GLYATL2: variants seen among roughly 807,000 people sequenced by gnomAD.
GLYATL2 encodes glycine-N-acyltransferase like 2.
In GLYATL2, 25 loss-of-function variants were observed where a neutral mutation model predicts 21.4. The observed-to-expected ratio is 1.17, with a 90% CI of 0.85 to 1.63. The LOEUF (loss-of-function observed/expected upper bound fraction) is 1.63. GLYATL2 is among the 40% of genes most tolerant of loss of function. The pLI is 0.00. For synonymous variants in GLYATL2, 114 were observed against 118.2 expected (o/e 0.96, Z 0.23); for missense variants, 361 against 343.3 (o/e 1.05, Z -0.41).
chr11:58,908,088 T>A (rs1417622075), upstream of GLYATL2: 2 of 152,416 alleles, frequency 1.3e-5, no homozygotes, highest in African/African-American at 4.8e-5. Context: ...TGCACATCTC[T>A]GATCCTCTGT....
intron 1 of GLYATL2, among the ~76,000 whole-genome samples, chr11:58,871,931 C>T (rs997066287): frequency 2.8e-4 from 43 of 152,304 alleles, no homozygotes; most frequent in African/African-American, 9.4e-4. Flanking sequence ...TTCTCCACAT[C>T]CTCTCCAGCA....
In GLYATL2 at chr11:58,870,329, C is replaced by T. The variant is rs115149843; in HGVS notation, n.61-31961G>A. On this transcript the variant is annotated intron_variant and non_coding_transcript_variant, in intron 1 of 4. Coordinates refer to the GLYATL2 transcript ENST00000533636. ...CAGCTACGTGCTTGAAGCAGAGAGG[C>T]TAAAGAGATGGAGGTCAGGGATGTG... 5.4e-3 allele frequency among the ~76,000 whole-genome samples: 817 copies of T among 152,138 alleles called. 9 individuals carry two copies. Among genetic ancestry groups the T allele is most frequent in the African/African-American group, 0.019 (787 of 41,502 alleles).
chr11:58,845,490 C>T (rs1853626958), upstream of GLYATL2, among the ~76,000 whole-genome samples: 1 of 152,196 alleles, frequency 6.6e-6, no homozygotes. Flanking sequence ...ATAGTCCCAA[C>T]TACTCAGCAG....
At chr11:58,837,513 G>T in intron 3 of GLYATL2, 116 bp from the exon 4 acceptor site, 1 of 1,017,746 alleles carries the variant, frequency 9.8e-7, no homozygotes, top group South Asian at 1.6e-5. Context: ...TTCTGAGACA[G>T]GTGTAGAAAA....
In GLYATL2 at chr11:58,870,713, C is replaced by T. The variant is rs143377050; in HGVS notation, n.61-32345G>A. On this transcript the variant is annotated intron_variant and non_coding_transcript_variant, in intron 1 of 4. Transcript: ENST00000533636. Reference sequence around the variant, plus strand: ...GATTTACTTGTTTCTGTCAGTCCTCCTTGCTCCACAAGTCCTACAGAGGAA... The same window carrying T: ...GATTTACTTGTTTCTGTCAGTCCTCTTTGCTCCACAAGTCCTACAGAGGAA... Among the ~76,000 whole-genome samples, 291 of 152,310 alleles carry T rather than the reference C, an allele frequency of 1.9e-3. 1 individual carries two copies. The highest frequency in any genetic ancestry group is 6.6e-3 in the African/African-American group (275 of 41,576).
chr11:58,846,433 G>A (rs1325860352), upstream of GLYATL2, among the ~76,000 whole-genome samples: 1 of 152,142 alleles, frequency 6.6e-6, no homozygotes, highest in Non-Finnish European at 1.5e-5. Flanking sequence ...GCACTGAAGA[G>A]ACAGTAAAAA....
In GLYATL2 at chr11:58,834,988, T is replaced by G. The variant is rs1043584368; in HGVS notation, c.477-151A>C. 9.9e-6 allele frequency: 6 copies of G among 608,076 alleles called. 1 individual carries two copies. Among genetic ancestry groups the G allele is most frequent in the Admixed American group, 6.4e-5 (2 of 31,060 alleles). 37.7% of individuals were successfully genotyped at this position (608,076 alleles called of 1,614,324 possible). ...AACAACTACCTTTTCTATTTCCGCT[T>G]CAAAATGTTTCCAAATAGTTGATGG... On this transcript the variant is annotated intron_variant, in intron 5 of 5. Transcript: ENST00000287275.
chr11:58,900,046 C>G (rs573298739), intron 1 of GLYATL2, among the ~76,000 whole-genome samples: 70 of 152,196 alleles, frequency 4.6e-4, no homozygotes, highest in African/African-American at 1.6e-3. Context: ...ATGCGGAGCA[C>G]CGGAATTCTG....
upstream of GLYATL2, chr11:58,905,708 GCTGGGACCGGGAT>G: frequency 2.3e-6 from 1 of 436,162 alleles, no homozygotes; most frequent in Non-Finnish European, 4.6e-6. Flanking sequence ...GGAGGGGATC[GCTGGGACCGGGAT>G]GGGTCATCTG....
chr11:58,876,472 G>A (rs1187039741), intron 1 of GLYATL2, among the ~76,000 whole-genome samples: 1 of 152,124 alleles, frequency 6.6e-6, no homozygotes, highest in Non-Finnish European at 1.5e-5. Context: ...TTTTTGGTGT[G>A]GATGTCCTTT....
At chr11:58,854,170 G>C (rs942005918) in intron 1 of GLYATL2, among the ~76,000 whole-genome samples, 21 of 152,106 alleles carry the variant, frequency 1.4e-4, no homozygotes, top group African/African-American at 4.8e-4. Context: ...ATTCTATTGT[G>C]CATATATACC....
Position 58,872,505 on chromosome 11 carries a change from C to G in GLYATL2, n.60+31651G>C, listed in dbSNP as rs538110275. On this transcript the variant is annotated intron_variant and non_coding_transcript_variant, in intron 1 of 4. Coordinates refer to the GLYATL2 transcript ENST00000533636. ...TCCAGTTTCAGCTTTCTACATATGGCTAGCCAGTTTTCCCAGCACCATTTA... is the reference window on the plus strand; with the variant it reads ...TCCAGTTTCAGCTTTCTACATATGGGTAGCCAGTTTTCCCAGCACCATTTA... 2.7e-4 allele frequency among the ~76,000 whole-genome samples: 41 copies of G among 152,302 alleles called. No homozygotes were observed. The South Asian group carries it at 8.5e-3, about 32-fold the overall frequency.
At chr11:58,887,816 T>C (rs918896398) in intron 1 of GLYATL2, among the ~76,000 whole-genome samples, 5 of 152,184 alleles carry the variant, frequency 3.3e-5, no homozygotes, top group African/African-American at 4.8e-5. Context: ...TGTATACATG[T>C]CTTTACATCC....
At chr11:58,858,943 T>G (rs540101880) in intron 1 of GLYATL2, among the ~76,000 whole-genome samples, 1 of 152,222 alleles carries the variant, frequency 6.6e-6, no homozygotes, top group Non-Finnish European at 1.5e-5. Context: ...CTTGCTATAC[T>G]TTCCTTCTCA....
intron 1 of GLYATL2, among the ~76,000 whole-genome samples, chr11:58,864,871 C>G (rs1438345595): frequency 1.3e-5 from 2 of 148,982 alleles, no homozygotes. Context: ...TAATGATTTT[C>G]AAAGTGCCTC....
At chr11:58,892,778 T>C (rs987345646) in intron 1 of GLYATL2, 1 of 336,384 alleles carries the variant, frequency 3.0e-6, no homozygotes, top group Non-Finnish European at 6.0e-6. Context: ...GCTCAATGCC[T>C]GCAATAAAAG....
intron 1 of GLYATL2, among the ~76,000 whole-genome samples, chr11:58,888,763 T>C (rs186212901): frequency 5.9e-5 from 9 of 152,078 alleles, no homozygotes; most frequent in Admixed American, 1.3e-4. Flanking sequence ...ATGTACATTA[T>C]GCAATGTATG....
intron 1 of GLYATL2, among the ~76,000 whole-genome samples, chr11:58,876,601 G>A (rs1345854739): frequency 6.6e-6 from 1 of 152,190 alleles, no homozygotes; most frequent in African/African-American, 2.4e-5. Context: ...CTGCAGAACA[G>A]CGGATATTAG....
Position 58,861,276 on chromosome 11 carries a change from T to C in GLYATL2, n.61-22908A>G, listed in dbSNP as rs74556409. Among the ~76,000 whole-genome samples, 592 of 152,050 alleles carry C rather than the reference T, an allele frequency of 3.9e-3. 7 individuals are homozygous for C. The highest frequency in any genetic ancestry group is 0.014 in the African/African-American group (561 of 41,538). ...ACTTATTTAACGTCCTTACTCATTATTGGTTTGTTTAGATTTTCAATTTCT... is the reference window on the plus strand; with the variant it reads ...ACTTATTTAACGTCCTTACTCATTACTGGTTTGTTTAGATTTTCAATTTCT... On this transcript the variant is annotated intron_variant and non_coding_transcript_variant, in intron 1 of 4. Coordinates refer to the GLYATL2 transcript ENST00000533636.
Sources: allele counts gnomAD v4.1 joint callset (sites outside exome capture counted in the v4.1 genomes callset), GRCh38; gene constraint gnomAD v4.1.1; transcripts MANE v1.5; gene names NCBI Gene and HGNC (gene_info 2026-07-23, HGNC 2026-07-21).